SYNDIG1: variants seen among roughly 807,000 people sequenced by gnomAD.
SYNDIG1 encodes the protein synapse differentiation-inducing gene protein 1.
Under a neutral mutation model 19.4 loss-of-function variants are expected in SYNDIG1, and 9 were observed. That is an observed-to-expected ratio of 0.46 (90% CI 0.28 to 0.81). The LOEUF is 0.81. SYNDIG1 is among the 30% of genes least tolerant of loss of function. The probability of loss-of-function intolerance (pLI) is 0.12; values close to 1 mark genes in which losing one functional copy is unlikely to be tolerated. For missense variants in SYNDIG1, 311 were observed against 343.3 expected (o/e 0.91, Z 0.74); for synonymous variants, 141 against 145.9 (o/e 0.97, Z 0.24).
At chr20:24,503,530 G>A (rs1442891127) in intron 1 of SYNDIG1, among the ~76,000 whole-genome samples, 2 of 152,118 alleles carry the variant, frequency 1.3e-5, no homozygotes, top group African/African-American at 2.4e-5. Context: ...GCTCTGATAC[G>A]GGATGCAGAG....
At chr20:24,583,405 C>T (rs1035857179) in intron 2 of SYNDIG1, among the ~76,000 whole-genome samples, 4 of 152,236 alleles carry the variant, frequency 2.6e-5, no homozygotes, top group Non-Finnish European at 2.9e-5. Context: ...GGCAGGAGGC[C>T]TCTGCTTAAC....
chr20:24,579,691 G>A (rs150353026), intron 2 of SYNDIG1, among the ~76,000 whole-genome samples: 422 of 152,310 alleles, frequency 2.8e-3, no homozygotes, highest in Admixed American at 4.6e-3. Context: ...ACAGCTCCAC[G>A]TTGGCCAGTG....
chr20:24,594,327 C>T (rs911309153), intron 3 of SYNDIG1, among the ~76,000 whole-genome samples: 2 of 151,918 alleles, frequency 1.3e-5, no homozygotes, highest in Non-Finnish European at 2.9e-5. Flanking sequence ...TCGACTTTGT[C>T]GAAGATCAGG....
At chr20:24,554,950 G>T (rs1354815216) in intron 2 of SYNDIG1, among the ~76,000 whole-genome samples, 2 of 151,876 alleles carry the variant, frequency 1.3e-5, no homozygotes, top group Non-Finnish European at 2.9e-5. Context: ...CTTTTTGGTT[G>T]GTAAGCTATT....
intron 1 of SYNDIG1, among the ~76,000 whole-genome samples, chr20:24,506,712 C>T (rs2056599787): frequency 6.6e-6 from 1 of 152,150 alleles, no homozygotes. Flanking sequence ...TATTTCAAAT[C>T]CGCTGATGCA....
At chr20:24,579,072 A>G (rs755479449) in intron 2 of SYNDIG1, among the ~76,000 whole-genome samples, 4 of 152,224 alleles carry the variant, frequency 2.6e-5, no homozygotes, top group Non-Finnish European at 5.9e-5. Context: ...ACATTCCACA[A>G]CAAACTAAGT....
intron 1 of SYNDIG1, among the ~76,000 whole-genome samples, chr20:24,473,851 T>C (rs1306350928): frequency 6.6e-6 from 1 of 152,206 alleles, no homozygotes; most frequent in Non-Finnish European, 1.5e-5. Flanking sequence ...CATTAACGCT[T>C]GGTTTTCAAA....
intron 1 of SYNDIG1, among the ~76,000 whole-genome samples, chr20:24,488,230 A>G (rs1203845655): frequency 6.6e-6 from 1 of 152,198 alleles, no homozygotes. Context: ...TCCTGCAGAG[A>G]GGAAGTGTGG....
At chr20:24,613,458 C>T (rs2058880333) in intron 3 of SYNDIG1, among the ~76,000 whole-genome samples, 1 of 152,136 alleles carries the variant, frequency 6.6e-6, no homozygotes, top group South Asian at 2.1e-4. Flanking sequence ...ACAGACCTGC[C>T]CATGGACCCC....
intron 1 of SYNDIG1, among the ~76,000 whole-genome samples, chr20:24,485,443 T>C (rs1207070432): frequency 1.3e-5 from 2 of 152,190 alleles, no homozygotes; most frequent in East Asian, 3.9e-4. Flanking sequence ...ATTCCATCTC[T>C]CTCCAATGTT....
chr20:24,660,283 C>T (rs928070874), intron 3 of SYNDIG1, among the ~76,000 whole-genome samples: 4 of 152,166 alleles, frequency 2.6e-5, no homozygotes, highest in African/African-American at 7.2e-5. Context: ...ATTGTTGTTG[C>T]GTGATGTATC....
chr20:24,486,658 A>T (rs575742122), intron 1 of SYNDIG1, among the ~76,000 whole-genome samples: 40 of 147,988 alleles, frequency 2.7e-4, no homozygotes, highest in African/African-American at 8.9e-4. Context: ...TTATTTATTT[A>T]ATTTTTTTTT....
chr20:24,547,073 C>G (rs2146758751), intron 2 of SYNDIG1, among the ~76,000 whole-genome samples: 1 of 151,530 alleles, frequency 6.6e-6, no homozygotes, highest in African/African-American at 2.4e-5. Flanking sequence ...GTTCAGGGCC[C>G]CTCCCATTGC....
At chr20:24,640,987 T>C (rs1411977580) in intron 3 of SYNDIG1, among the ~76,000 whole-genome samples, 3 of 152,206 alleles carry the variant, frequency 2.0e-5, no homozygotes, top group Non-Finnish European at 4.4e-5. Flanking sequence ...GGTGGGTGTT[T>C]AAAAAGAAAG....
At chr20:24,610,874 T>C (rs2058836399) in intron 3 of SYNDIG1, among the ~76,000 whole-genome samples, 1 of 152,290 alleles carries the variant, frequency 6.6e-6, no homozygotes, top group African/African-American at 2.4e-5. Context: ...TCGGCACCTT[T>C]GCCTTGTCAA....
intron 3 of SYNDIG1, among the ~76,000 whole-genome samples, chr20:24,585,949 C>G (rs1396169928): frequency 6.6e-6 from 1 of 152,250 alleles, no homozygotes; most frequent in Non-Finnish European, 1.5e-5. Context: ...CTGGCAGGTC[C>G]TTCGTCTGAA....
At chr20:24,657,244 C>CCAGCAGCAGCCTGGTG (rs2059535193) in intron 3 of SYNDIG1, among the ~76,000 whole-genome samples, 1 of 152,222 alleles carries the variant, frequency 6.6e-6, no homozygotes, top group Admixed American at 6.5e-5. Context: ...GCTGCCCGGT[C>CCAGCAGCAGCCTGGTG]CAGCAGCAGC....
Position 24,490,886 on chromosome 20 carries a change from G to A in SYNDIG1, c.-79+21133G>A, listed in dbSNP as rs991130951. Among the ~76,000 whole-genome samples the A allele has an allele frequency of 3.9e-5, 6 of 152,344 alleles. No individual in the cohort carries two copies. The South Asian group carries it at 8.3e-4, about 21-fold the overall frequency. ...ACAGTCTGGAAATTTGCACCAGTGTGAGTGGAGGTGGAGCCAGGGAGGAAG... is the reference window on the plus strand; with the variant it reads ...ACAGTCTGGAAATTTGCACCAGTGTAAGTGGAGGTGGAGCCAGGGAGGAAG... On this transcript the variant is annotated intron_variant, in intron 1 of 3. Transcript: ENST00000376862.
intron 1 of SYNDIG1, among the ~76,000 whole-genome samples, chr20:24,470,196 G>A (rs1359775296): frequency 6.6e-6 from 1 of 152,208 alleles, no homozygotes; most frequent in African/African-American, 2.4e-5. Flanking sequence ...GGTTCGGGCT[G>A]CCCCTCGGAG....
Sources: allele counts gnomAD v4.1 joint callset (sites outside exome capture counted in the v4.1 genomes callset), GRCh38; gene constraint gnomAD v4.1.1; transcripts MANE v1.5; gene names NCBI Gene and HGNC (gene_info 2026-07-23, HGNC 2026-07-21).